ERG: variants seen among roughly 807,000 people sequenced by gnomAD.
ERG encodes ETS transcription factor ERG.
ERG carries 9 observed loss-of-function variants against 55.3 expected under a neutral mutation model. That is an observed-to-expected ratio of 0.16 (90% CI 0.10 to 0.28). The LOEUF (loss-of-function observed/expected upper bound fraction) is 0.28, where lower values mean the gene tolerates loss of function less well. Ranked by LOEUF, ERG falls within the 10% of genes least tolerant of loss-of-function variation. The pLI is 1.00. For synonymous variants in ERG, 223 were observed against 237.3 expected, an observed-to-expected ratio of 0.94 and a Z score of 0.55; for missense variants, 434 against 631.6, an observed-to-expected ratio of 0.69 and a Z score of 3.35.
chr21:38,373,338 A>C, the ERG span, among the ~76,000 whole-genome samples: 2 of 152,202 alleles, frequency 1.3e-5, no homozygotes, highest in Admixed American at 1.3e-4. Context: ...AAATTTCCCC[A>C]AGAACTTTGA....
intron 1 of ERG, among the ~76,000 whole-genome samples, chr21:38,649,855 T>C (rs1437120638): frequency 6.6e-6 from 1 of 152,214 alleles, no homozygotes; most frequent in African/African-American, 2.4e-5. Context: ...TCTCCATTTG[T>C]CCTTACGTGA....
chr21:38,390,410 T>C (rs146339034), intron 9 of ERG, among the ~76,000 whole-genome samples: 1 of 152,320 alleles, frequency 6.6e-6, no homozygotes, highest in African/African-American at 2.4e-5. Context: ...GTTGAAATCT[T>C]AACCCGCAGT....
intron 1 of ERG, among the ~76,000 whole-genome samples, chr21:38,584,212 C>T (rs1324710243): frequency 3.3e-5 from 5 of 152,170 alleles, no homozygotes; most frequent in Non-Finnish European, 7.3e-5. Context: ...TGTGAGCACC[C>T]CCATAACCTT....
At chr21:38,422,709 A>G (rs1413141466) in intron 3 of ERG, among the ~76,000 whole-genome samples, 2 of 152,296 alleles carry the variant, frequency 1.3e-5, no homozygotes, top group Admixed American at 6.5e-5. Context: ...TTCAAGAGCT[A>G]TTCCTTTGGG....
At chr21:38,375,827 G>A (rs567300712), downstream of ERG, among the ~76,000 whole-genome samples, 19 of 152,186 alleles carry the variant, frequency 1.2e-4, no homozygotes, top group African/African-American at 3.4e-4. Flanking sequence ...TGTGGGCCCC[G>A]GGTAGTCATA....
chr21:38,395,390 TA>T (rs1168462449), intron 6 of ERG: 6 of 224,506 alleles, frequency 2.7e-5, no homozygotes, highest in Non-Finnish European at 1.8e-5. Flanking sequence ...ATGTGTCCTT[TA>T]TTGATAATAG....
chr21:38,523,500 A>G (rs896303177), intron 2 of ERG, among the ~76,000 whole-genome samples: 1 of 152,232 alleles, frequency 6.6e-6, no homozygotes, highest in African/African-American at 2.4e-5. Context: ...GTCAGTGAGT[A>G]AGAGGCGGGG....
At chr21:38,446,553 C>T (rs551516394) in intron 1 of ERG, among the ~76,000 whole-genome samples, 2 of 152,238 alleles carry the variant, frequency 1.3e-5, no homozygotes, top group South Asian at 4.2e-4. Context: ...TGATACAATC[C>T]AATTTTGGTT....
rs1034072040 is a variant in ERG at position 38,518,530 on chromosome 21, T to C, written c.-41+57132A>G. Among the ~76,000 whole-genome samples the C allele has an allele frequency of 4.6e-5, 7 of 151,980 alleles. No homozygotes were observed. In the South Asian group the frequency reaches 1.0e-3, roughly 23 times the overall value. Reference sequence around the variant, plus strand: ...TTTTTTTTACAAAGGGGCAGAGTAGTTAAAAAAGGGAGAAACTGTTGGTAA... The same window carrying C: ...TTTTTTTTACAAAGGGGCAGAGTAGCTAAAAAAGGGAGAAACTGTTGGTAA... On this transcript the variant is annotated intron_variant, in intron 2 of 8. Coordinates refer to the ERG transcript ENST00000398897.
At chr21:38,442,485 A>C (rs2058850899) in intron 2 of ERG, among the ~76,000 whole-genome samples, 1 of 152,230 alleles carries the variant, frequency 6.6e-6, no homozygotes. Flanking sequence ...CCAGCCTTTC[A>C]CTTGCCTGAC....
chr21:38,532,298 G>A (rs893752410), intron 2 of ERG, among the ~76,000 whole-genome samples: 3 of 151,970 alleles, frequency 2.0e-5, no homozygotes, highest in Admixed American at 2.0e-4. Context: ...AATATATACC[G>A]ATTCCCCACC....
the ERG span, among the ~76,000 whole-genome samples, chr21:38,373,896 T>C: frequency 6.6e-6 from 1 of 152,204 alleles, no homozygotes; most frequent in South Asian, 2.1e-4. Flanking sequence ...TTTAAGCACA[T>C]GAAAAATGTA....
chr21:38,394,277 A>C (rs1457883434), intron 6 of ERG, among the ~76,000 whole-genome samples: 8 of 152,170 alleles, frequency 5.3e-5, no homozygotes, highest in Admixed American at 5.2e-4. Flanking sequence ...CAGCAACATC[A>C]ACAATACCTG....
intron 2 of ERG, among the ~76,000 whole-genome samples, chr21:38,558,753 C>T (rs536850807): frequency 4.6e-5 from 7 of 152,122 alleles, no homozygotes; most frequent in South Asian, 4.2e-4. Flanking sequence ...ACAGTTACAG[C>T]GCAAATTGAG....
At chr21:38,647,809 C>T (rs11911827) in intron 1 of ERG, among the ~76,000 whole-genome samples, 28,538 of 152,144 alleles carry the variant, frequency 0.19, 3,052 homozygotes, top group Middle Eastern at 0.32. Context: ...TAACAAGTCA[C>T]ATACACGTCA....
intron 3 of ERG, among the ~76,000 whole-genome samples, chr21:38,405,881 G>A (rs926442818): frequency 2.6e-5 from 4 of 152,250 alleles, no homozygotes; most frequent in South Asian, 2.1e-4. Flanking sequence ...GGCCAGGCGC[G>A]GTGGCTCACG....
At chr21:38,578,981 T>C (rs528837946) in intron 1 of ERG, among the ~76,000 whole-genome samples, 12 of 152,200 alleles carry the variant, frequency 7.9e-5, no homozygotes, top group African/African-American at 1.4e-4. Flanking sequence ...CACAGAGACA[T>C]AATATTTCCA....
intron 1 of ERG, among the ~76,000 whole-genome samples, chr21:38,656,878 G>T (rs550903317): frequency 6.6e-6 from 1 of 152,218 alleles, no homozygotes; most frequent in East Asian, 1.9e-4. Flanking sequence ...ATTTCCTAGA[G>T]AGACAGCTTT....
chr21:38,400,523 G>T lies in ERG; in HGVS notation c.745+51C>A, dbSNP rs753320605. 6.4e-6 allele frequency: 9 copies of T among 1,408,288 alleles called. No individual in the cohort carries two copies. In the East Asian group the frequency reaches 2.0e-4, roughly 32 times the overall value. 87.2% of individuals were successfully genotyped at this position (1,408,288 alleles called of 1,614,324 possible). ...TGACTTAGGGCACGGATCTCAGCAG[G>T]ACATCTGGGATGTCTCTCAATGAAG... On this transcript the variant is annotated intron_variant, in intron 6 of 9. Coordinates refer to ENST00000288319, the MANE Select transcript of ERG (RefSeq NM_182918.4).
Sources: allele counts gnomAD v4.1 joint callset (sites outside exome capture counted in the v4.1 genomes callset), GRCh38; gene constraint gnomAD v4.1.1; transcripts MANE v1.5; gene names NCBI Gene and HGNC (gene_info 2026-07-23, HGNC 2026-07-21).